The following RAP1GAP2 variants were observed in gnomAD, a reference collection of about 807,000 sequenced individuals.
RAP1GAP2 encodes RAP1 GTPase activating protein 2.
RAP1GAP2 carries 27 observed loss-of-function variants against 95.0 expected under a neutral mutation model. That is an observed-to-expected ratio of 0.28 (90% CI 0.21 to 0.39). The LOEUF (loss-of-function observed/expected upper bound fraction) is 0.39. Among genes scored for constraint, RAP1GAP2 ranks in the 10% least tolerant of loss-of-function variants. The probability of loss-of-function intolerance (pLI) is 1.00; values close to 1 mark genes in which losing one functional copy is unlikely to be tolerated. For synonymous variants in RAP1GAP2, 373 were observed against 380.9 expected, an observed-to-expected ratio of 0.98 and a Z score of 0.24; for missense variants, 771 against 970.0, an observed-to-expected ratio of 0.79 and a Z score of 2.72.
At chr17:2,897,269 C>A (rs1228588518) in intron 2 of RAP1GAP2, among the ~76,000 whole-genome samples, 1 of 151,970 alleles carries the variant, frequency 6.6e-6, no homozygotes, top group Non-Finnish European at 1.5e-5. Context: ...ACCCAGGAGG[C>A]GGAGGCTGCA....
At chr17:2,885,545 C>T (rs935353311) in intron 2 of RAP1GAP2, among the ~76,000 whole-genome samples, 4 of 152,218 alleles carry the variant, frequency 2.6e-5, no homozygotes, top group Non-Finnish European at 4.4e-5. Context: ...CACCAAGTCT[C>T]GCAGCTGCAA....
chr17:2,980,100 C>A (rs553964500), intron 8 of RAP1GAP2, among the ~76,000 whole-genome samples, 187 bp from the exon 9 acceptor site: 4 of 152,068 alleles, frequency 2.6e-5, no homozygotes, highest in Non-Finnish European at 5.9e-5. Context: ...GCCACCACGT[C>A]TGGCTAATTT....
chr17:2,859,929 G>A (rs530026316), intron 2 of RAP1GAP2, among the ~76,000 whole-genome samples: 1 of 149,020 alleles, frequency 6.7e-6, no homozygotes, highest in East Asian at 2.0e-4. Context: ...GTTGTTGATT[G>A]TTTGTTTTTT....
At chr17:2,868,222 G>T (rs1229070669) in intron 2 of RAP1GAP2, among the ~76,000 whole-genome samples, 6 of 152,106 alleles carry the variant, frequency 3.9e-5, no homozygotes, top group Non-Finnish European at 7.4e-5. Context: ...TGGTTACGAG[G>T]CCCTGGCTGA....
At chr17:2,878,332 G>A (rs2073163574) in intron 2 of RAP1GAP2, among the ~76,000 whole-genome samples, 1 of 152,168 alleles carries the variant, frequency 6.6e-6, no homozygotes, top group African/African-American at 2.4e-5. Context: ...CCCCCCCGGG[G>A]ATGTGGCATC....
At chr17:2,928,630 G>A (rs1024358272) in intron 3 of RAP1GAP2, among the ~76,000 whole-genome samples, 1 of 152,172 alleles carries the variant, frequency 6.6e-6, no homozygotes, top group South Asian at 2.1e-4. Flanking sequence ...GCGAGGCTCC[G>A]GCAGGGCGAG....
chr17:2,826,045 A>G (rs1422995621), intron 2 of RAP1GAP2, among the ~76,000 whole-genome samples: 1 of 140,052 alleles, frequency 7.1e-6, no homozygotes, highest in Non-Finnish European at 1.5e-5. Flanking sequence ...CAGTGGTGCC[A>G]TCTCGGCTCA....
intron 2 of RAP1GAP2, among the ~76,000 whole-genome samples, chr17:2,839,871 T>C (rs920705545): frequency 1.3e-5 from 2 of 152,184 alleles, no homozygotes; most frequent in Non-Finnish European, 2.9e-5. Flanking sequence ...TGATCTCGGC[T>C]CACTGCAACC....
At chr17:2,889,907 AG>A (rs2073648470) in intron 2 of RAP1GAP2, among the ~76,000 whole-genome samples, 1 of 49,770 alleles carries the variant, frequency 2.0e-5, no homozygotes, top group Non-Finnish European at 4.2e-5. Context: ...TTTTTTTTGT[AG>A]AGATGGGTTT....
intron 4 of RAP1GAP2, among the ~76,000 whole-genome samples, chr17:2,960,178 A>G (rs2044260449): frequency 6.6e-6 from 1 of 151,598 alleles, no homozygotes; most frequent in Non-Finnish European, 1.5e-5. Flanking sequence ...AAAATAGCAC[A>G]TGGAGGAGAG....
intron 2 of RAP1GAP2, among the ~76,000 whole-genome samples, chr17:2,891,809 C>CTTTTTTT (rs1488865061): frequency 2.9e-4 from 17 of 58,018 alleles, no homozygotes; most frequent in Non-Finnish European, 5.7e-4. Flanking sequence ...ATTCATATTT[C>CTTTTTTT]TTTTCTTTTT....
chr17:2,837,485 G>A (rs1011641068), intron 2 of RAP1GAP2, among the ~76,000 whole-genome samples: 2 of 152,036 alleles, frequency 1.3e-5, no homozygotes, highest in African/African-American at 4.8e-5. Flanking sequence ...GTCTGGTGAT[G>A]GGCATCGGGA....
chr17:2,959,664 T>A (rs1432917847), intron 4 of RAP1GAP2, among the ~76,000 whole-genome samples: 1 of 152,238 alleles, frequency 6.6e-6, no homozygotes. Flanking sequence ...GGATTCCCGA[T>A]ACCTAGCCCA....
chr17:2,996,734 C>T (rs531560195), intron 13 of RAP1GAP2, among the ~76,000 whole-genome samples: 4 of 152,308 alleles, frequency 2.6e-5, no homozygotes, highest in African/African-American at 7.2e-5. Flanking sequence ...GCACAGGGCT[C>T]GGCTCTTGGC....
intron 1 of RAP1GAP2, among the ~76,000 whole-genome samples, chr17:2,768,861 T>G (rs1471600060): frequency 1.3e-5 from 2 of 151,508 alleles, no homozygotes; most frequent in South Asian, 2.1e-4. Flanking sequence ...ACCCTGGAGG[T>G]TCTAGAAGAC....
intron 3 of RAP1GAP2, among the ~76,000 whole-genome samples, chr17:2,931,746 T>C (rs1306410597): frequency 6.6e-6 from 1 of 152,198 alleles, no homozygotes; most frequent in East Asian, 1.9e-4. Flanking sequence ...AACATGCAAT[T>C]TGCAGATGTC....
At position 3,008,610 on chromosome 17, in the gene RAP1GAP2, T is replaced by A. The variant is rs2046409918; in HGVS notation, c.1494+465T>A. Among the ~76,000 whole-genome samples, 1 of 152,114 alleles carries A rather than the reference T, an allele frequency of 6.6e-6. No homozygotes were observed. The highest frequency in any genetic ancestry group is 6.5e-5 in the Admixed American group (1 of 15,278). ...CCGGCCGAGCATTGGAAGACCTGGC[T>A]GGGCAGGGGCCATGGAACTATAGGC... On this transcript the variant is annotated intron_variant, in intron 17 of 24. Transcript: ENST00000254695. The surrounding 1 kb of genome is among the most constrained non-coding windows in gnomAD (Gnocchi z 4.2).
intron 2 of RAP1GAP2, among the ~76,000 whole-genome samples, chr17:2,882,120 T>A (rs1242149089): frequency 1.3e-5 from 1 of 76,880 alleles, no homozygotes; most frequent in African/African-American, 5.7e-5. Context: ...GTGCCTGGCC[T>A]TTTTTTTTTT....
chr17:2,889,663 T>A lies in RAP1GAP2; in HGVS notation c.81-15621T>A, dbSNP rs2073620025. Among the ~76,000 whole-genome samples the A allele has an allele frequency of 2.0e-5, 3 of 149,068 alleles. No homozygotes were observed. The South Asian group carries it at 6.4e-4, about 32-fold the overall frequency. Reference sequence around the variant, plus strand: ...CAGCACTGGGAGGAGGCAGGAGGTTTGATCGATCTGCGCTGGATTTTTTTT... The same window carrying A: ...CAGCACTGGGAGGAGGCAGGAGGTTAGATCGATCTGCGCTGGATTTTTTTT... On this transcript the variant is annotated intron_variant, in intron 2 of 24. Transcript: ENST00000254695.
Sources: allele counts gnomAD v4.1 joint callset (sites outside exome capture counted in the v4.1 genomes callset), GRCh38; gene constraint gnomAD v4.1.1; non-coding constraint Gnocchi (gnomAD v3.1); transcripts MANE v1.5; gene names NCBI Gene and HGNC (gene_info 2026-07-23, HGNC 2026-07-21).